Variants in XKR4 observed in about 807,000 individuals in gnomAD.
The protein encoded by XKR4 is XK-related protein 4.
Under a neutral mutation model 53.9 loss-of-function variants are expected in XKR4, and 12 were observed. The ratio of observed to expected loss-of-function variants is 0.22; its 90% CI spans 0.14 to 0.36. XKR4 has a LOEUF of 0.36. XKR4 is among the 10% of genes least tolerant of loss of function. XKR4 has a pLI of 1.00. For missense variants in XKR4, 799 were observed against 859.5 expected (o/e 0.93, Z 0.88); for synonymous variants, 354 against 362.4 (o/e 0.98, Z 0.26).
At chr8:55,289,851 G>GAAA (rs1818990790) in intron 1 of XKR4, among the ~76,000 whole-genome samples, 1 of 135,706 alleles carries the variant, frequency 7.4e-6, no homozygotes, top group South Asian at 2.3e-4. Context: ...AAAGAAAGAA[G>GAAA]GAAAGAAAGA....
At chr8:55,210,238 C>A (rs922039963) in intron 1 of XKR4, among the ~76,000 whole-genome samples, 2 of 152,072 alleles carry the variant, frequency 1.3e-5, no homozygotes, top group African/African-American at 4.8e-5. Flanking sequence ...GTGCTCGCCA[C>A]CACGCCTGGC....
chr8:55,400,362 G>A (rs940927574), intron 2 of XKR4, among the ~76,000 whole-genome samples: 1 of 152,158 alleles, frequency 6.6e-6, no homozygotes, highest in East Asian at 1.9e-4. Flanking sequence ...GTCTAGTTCA[G>A]ATCTACATAC....
In XKR4 at chr8:55,103,370, T is replaced by G. The variant is rs896257684; in HGVS notation, c.806+76T>G. Reference sequence around the variant, plus strand: ...CCACTGCTTTGCTTTTGCACGGAAATCTTTCAGGGTTGCTTTGGTAGTAAC... The same window carrying G: ...CCACTGCTTTGCTTTTGCACGGAAAGCTTTCAGGGTTGCTTTGGTAGTAAC... On this transcript the variant is annotated intron_variant, in intron 1 of 2. Coordinates refer to ENST00000327381, the MANE Select transcript of XKR4 (RefSeq NM_052898.2). 5.3e-6 allele frequency: 8 copies of G among 1,514,330 alleles called. No homozygotes were observed. The African/African-American group carries it at 1.1e-4, about 21-fold the overall frequency. 93.8% of individuals were successfully genotyped at this position (1,514,330 alleles called of 1,614,324 possible).
chr8:55,314,638 T>C (rs1386680541), intron 1 of XKR4, among the ~76,000 whole-genome samples: 1 of 152,192 alleles, frequency 6.6e-6, no homozygotes, highest in African/African-American at 2.4e-5. Context: ...TTGACCACAA[T>C]ATTTGATTTT....
chr8:55,437,247 G>A (rs1225568695), intron 2 of XKR4, among the ~76,000 whole-genome samples: 1 of 152,072 alleles, frequency 6.6e-6, no homozygotes, highest in Non-Finnish European at 1.5e-5. Flanking sequence ...TGGCAAGGCT[G>A]ATCTCGAACT....
At chr8:55,214,462 T>C (rs1051850000) in intron 1 of XKR4, among the ~76,000 whole-genome samples, 28 of 152,216 alleles carry the variant, frequency 1.8e-4, no homozygotes, top group African/African-American at 6.3e-4. Context: ...ATTGTACATA[T>C]GGTGATAAAG....
At chr8:55,319,245 C>G (rs965626823) in intron 1 of XKR4, among the ~76,000 whole-genome samples, 2 of 152,042 alleles carry the variant, frequency 1.3e-5, no homozygotes, top group Non-Finnish European at 2.9e-5. Flanking sequence ...AAAGTAAAAC[C>G]TAGATCTACA....
chr8:55,433,369 T>G (rs1348403122), intron 2 of XKR4, among the ~76,000 whole-genome samples: 1 of 152,280 alleles, frequency 6.6e-6, no homozygotes, highest in Non-Finnish European at 1.5e-5. Flanking sequence ...GATTTAGTTC[T>G]GTGCATTATA....
intron 2 of XKR4, among the ~76,000 whole-genome samples, chr8:55,456,441 A>C (rs1433962043): frequency 6.6e-6 from 1 of 152,188 alleles, no homozygotes; most frequent in Non-Finnish European, 1.5e-5. Flanking sequence ...TGAAAAGAAA[A>C]AAAAGAAGAA....
rs376226847 is a variant in XKR4 at position 55,186,517 on chromosome 8, A to G, written c.806+83223A>G. 6.6e-5 allele frequency among the ~76,000 whole-genome samples: 10 copies of G among 152,032 alleles called. No individual in the cohort carries two copies. The East Asian group carries it at 9.7e-4, about 15-fold the overall frequency. On this transcript the variant is annotated intron_variant, in intron 1 of 2. Coordinates refer to ENST00000327381, the MANE Select transcript of XKR4 (RefSeq NM_052898.2). ...AAAAATAAAAAAAAAATAGCCGGGC[A>G]TGGTGGCAGGCGCTTGTAGCCCCAG...
intron 1 of XKR4, among the ~76,000 whole-genome samples, chr8:55,336,450 G>A (rs1236316577): frequency 1.3e-5 from 2 of 152,072 alleles, no homozygotes; most frequent in Non-Finnish European, 2.9e-5. Context: ...AATACACTGG[G>A]CAAAAGTCAA....
At chr8:55,375,387 C>T (rs1035626552) in intron 2 of XKR4, among the ~76,000 whole-genome samples, 1 of 152,136 alleles carries the variant, frequency 6.6e-6, no homozygotes, top group African/African-American at 2.4e-5. Flanking sequence ...AAAGAGTTCC[C>T]TCATTCACAT....
At chr8:55,482,051 T>C (rs1344749522) in intron 2 of XKR4, among the ~76,000 whole-genome samples, 2 of 152,192 alleles carry the variant, frequency 1.3e-5, no homozygotes, top group African/African-American at 4.8e-5. Context: ...ACTGAGTATA[T>C]ACCCAAAGGA....
At chr8:55,477,380 T>G (rs2939664) in intron 2 of XKR4, among the ~76,000 whole-genome samples, 114,784 of 151,998 alleles carry the variant, frequency 0.76, 43,995 homozygotes, top group African/African-American at 0.88. Flanking sequence ...AAACAGAAAG[T>G]ACATCCACAC....
intron 1 of XKR4, among the ~76,000 whole-genome samples, chr8:55,252,791 T>G (rs1035017995): frequency 1.3e-5 from 2 of 152,116 alleles, no homozygotes; most frequent in Admixed American, 1.3e-4. Flanking sequence ...TCAAAGTCTG[T>G]GAGGAGCTGG....
rs1445183280 is a variant in XKR4 at position 55,526,869 on chromosome 8, C to T, written c.*2642C>T. On this transcript the variant is annotated 3_prime_UTR_variant, in exon 3 of 3. Transcript: ENST00000327381. ...TTGACTTGGAGGTGAGATTGGCAGT[C>T]AGGAGAATGTAAGGAGGTTGAATTT... is the stretch of plus-strand genomic sequence containing the variant. 2.0e-5 allele frequency: 3 copies of T among 152,114 alleles called. No homozygotes were observed. Among genetic ancestry groups the T allele is most frequent in the African/African-American group, 7.2e-5 (3 of 41,420 alleles). 9.4% of individuals were successfully genotyped at this position (152,114 alleles called of 1,614,324 possible).
chr8:55,296,212 G>C (rs1027073513), intron 1 of XKR4, among the ~76,000 whole-genome samples: 4 of 152,110 alleles, frequency 2.6e-5, no homozygotes. Context: ...AGGAGGGAGA[G>C]GTGGGGGCAT....
At chr8:55,367,465 C>T (rs1220983640) in intron 2 of XKR4, among the ~76,000 whole-genome samples, 4 of 152,132 alleles carry the variant, frequency 2.6e-5, no homozygotes, top group Non-Finnish European at 5.9e-5. Flanking sequence ...CATGTGCACA[C>T]CTATTACTTC....
At chr8:55,375,846 C>A (rs528383436) in intron 2 of XKR4, among the ~76,000 whole-genome samples, 1 of 151,908 alleles carries the variant, frequency 6.6e-6, no homozygotes, top group Non-Finnish European at 1.5e-5. Flanking sequence ...TATTAAGCCC[C>A]GCATGCGTTA....
Sources: allele counts gnomAD v4.1 joint callset (sites outside exome capture counted in the v4.1 genomes callset), GRCh38; gene constraint gnomAD v4.1.1; transcripts MANE v1.5; gene names NCBI Gene and HGNC (gene_info 2026-07-23, HGNC 2026-07-21).